Variants in AKAP19 observed in about 807,000 individuals in gnomAD.
AKAP19 encodes A-kinase anchoring protein 19, also known as small A-kinase anchoring protein.
the AKAP19 span, among the ~76,000 whole-genome samples, chr2:190,159,175 T>A: frequency 1.3e-5 from 2 of 152,268 alleles, no homozygotes; most frequent in East Asian, 3.9e-4. Context: ...GCGACTGGCC[T>A]CCACCCAACT....
chr2:190,137,272 A>C, the AKAP19 span, among the ~76,000 whole-genome samples: 1 of 152,214 alleles, frequency 6.6e-6, no homozygotes, highest in Non-Finnish European at 1.5e-5. Context: ...TTCTGGAATG[A>C]TTATATCTTT....
the AKAP19 span, among the ~76,000 whole-genome samples, chr2:190,087,114 G>T: frequency 1.3e-5 from 2 of 152,218 alleles, no homozygotes; most frequent in Non-Finnish European, 2.9e-5. Context: ...GGCTATGGAA[G>T]AAATAGCATT....
At chr2:189,893,178 G>A in the AKAP19 span, among the ~76,000 whole-genome samples, 1 of 152,190 alleles carries the variant, frequency 6.6e-6, no homozygotes, top group Non-Finnish European at 1.5e-5. Context: ...GCTCTACTGA[G>A]CTAGATCAGT....
the AKAP19 span, among the ~76,000 whole-genome samples, chr2:189,952,035 C>G: frequency 3.3e-5 from 5 of 152,154 alleles, no homozygotes; most frequent in African/African-American, 1.2e-4. Context: ...CTGGTTTCCC[C>G]CATATATTTC....
At chr2:189,893,334 A>G in the AKAP19 span, among the ~76,000 whole-genome samples, 3,524 of 152,258 alleles carry the variant, frequency 0.023, 148 homozygotes, top group African/African-American at 0.08. Flanking sequence ...CTTGAAACCC[A>G]GGGCCCTGGT....
At chr2:189,909,638 TC>T in the AKAP19 span, among the ~76,000 whole-genome samples, 1 of 152,108 alleles carries the variant, frequency 6.6e-6, no homozygotes, top group African/African-American at 2.4e-5. Flanking sequence ...TTTTACTTCT[TC>T]ACCTCTACAT....
the AKAP19 span, among the ~76,000 whole-genome samples, chr2:190,086,264 CA>C: frequency 6.6e-6 from 1 of 152,104 alleles, no homozygotes; most frequent in Admixed American, 6.6e-5. Context: ...AAAATATCAC[CA>C]ATTGTTGCCT....
At chr2:189,924,005 C>G in the AKAP19 span, 1 of 1,585,072 alleles carries the variant, frequency 6.3e-7, no homozygotes. Context: ...AGAAGAGGAG[C>G]AGAGCAGCAG....
chr2:190,022,179 T>C, the AKAP19 span, among the ~76,000 whole-genome samples: 2 of 152,124 alleles, frequency 1.3e-5, no homozygotes, highest in Non-Finnish European at 2.9e-5. Context: ...ACTGCCACAT[T>C]GGGGATTAAA....
At chr2:190,137,935 A>C in the AKAP19 span, 2 of 152,302 alleles carry the variant, frequency 1.3e-5, no homozygotes, top group Non-Finnish European at 2.9e-5. Context: ...CTTTCTACCC[A>C]TCTCTGAATG....
the AKAP19 span, among the ~76,000 whole-genome samples, chr2:190,023,581 A>G: frequency 8.6e-5 from 13 of 151,882 alleles, no homozygotes; most frequent in Non-Finnish European, 1.6e-4. Context: ...TAATTTGGGG[A>G]AAAATATTTT....
the AKAP19 span, among the ~76,000 whole-genome samples, chr2:189,889,138 G>A: frequency 8.0e-6 from 1 of 125,078 alleles, no homozygotes; most frequent in African/African-American, 2.6e-5. Context: ...AGAGTTTTTA[G>A]TATGAAGGGG....
chr2:189,992,164 T>C, the AKAP19 span, among the ~76,000 whole-genome samples: 4 of 151,644 alleles, frequency 2.6e-5, no homozygotes, highest in Non-Finnish European at 5.9e-5. Flanking sequence ...CAAGCAATTC[T>C]CCTGTCTCAG....
chr2:189,976,052 T>G, the AKAP19 span, among the ~76,000 whole-genome samples: 2 of 152,084 alleles, frequency 1.3e-5, no homozygotes, highest in Non-Finnish European at 2.9e-5. Flanking sequence ...GGGGGAGAGG[T>G]GCTCTGATTT....
At chr2:190,159,543 G>T in the AKAP19 span, among the ~76,000 whole-genome samples, 1 of 152,098 alleles carries the variant, frequency 6.6e-6, no homozygotes, top group Non-Finnish European at 1.5e-5. Flanking sequence ...GTCATACTTG[G>T]CTGTGAGTGA....
chr2:189,918,756 T>C, the AKAP19 span, among the ~76,000 whole-genome samples: 1 of 152,170 alleles, frequency 6.6e-6, no homozygotes, highest in Non-Finnish European at 1.5e-5. Context: ...AAAACCTAAA[T>C]TTCTATCAAT....
chr2:190,062,413 T>G, the AKAP19 span: 3 of 1,613,522 alleles, frequency 1.9e-6, no homozygotes, highest in Non-Finnish European at 2.5e-6. Flanking sequence ...CGAAGTTTAC[T>G]GAGGATTTGT....
chr2:189,923,768 C>A, the AKAP19 span: 1 of 1,613,350 alleles, frequency 6.2e-7, no homozygotes, highest in Non-Finnish European at 8.5e-7. Flanking sequence ...GCCCTCGAAA[C>A]GTCAGCGTGT....
At chr2:189,935,298 G>A in the AKAP19 span, among the ~76,000 whole-genome samples, 1 of 144,658 alleles carries the variant, frequency 6.9e-6, no homozygotes, top group Non-Finnish European at 1.5e-5. Context: ...GAACTAGCAC[G>A]TGTGCAAAAA....
Sources: allele counts gnomAD v4.1 joint callset (sites outside exome capture counted in the v4.1 genomes callset), GRCh38; gene constraint gnomAD v4.1.1; transcripts MANE v1.5; gene names NCBI Gene and HGNC (gene_info 2026-07-23, HGNC 2026-07-21).